The following GCNA variants were observed in gnomAD, a reference collection of about 807,000 sequenced individuals.
The protein encoded by GCNA is germ cell nuclear acidic peptidase.
A neutral mutation model predicts 38.8 loss-of-function variants in GCNA; 3 were observed. That is an observed-to-expected ratio of 0.08 (90% CI 0.04 to 0.20). GCNA has a LOEUF of 0.20. GCNA is among the 10% of genes least tolerant of loss of function. The pLI, the probability that GCNA is intolerant of heterozygous loss-of-function variation, is 1.00. For missense variants in GCNA, 446 were observed against 578.6 expected, an observed-to-expected ratio of 0.77 and a Z score of 2.35; for synonymous variants, 195 against 240.2, an observed-to-expected ratio of 0.81 and a Z score of 1.74.
chrX:71,612,841 T>G, intron 12 of GCNA, 21 bp from the exon 13 acceptor site: 1 of 1,207,046 alleles, frequency 8.3e-7, no homozygotes, highest in East Asian at 3.0e-5. Context: ...TTTTGTTGTG[T>G]GTTGTTCCAT....
rs1198141297 is a variant in GCNA at position 71,604,558 on chromosome X, G to A, written c.1281G>A (p.Arg427=). The A allele has an allele frequency of 2.5e-6, 3 of 1,193,181 alleles. No homozygotes were observed. Among genetic ancestry groups the A allele is most frequent in the East Asian group, 3.0e-5 (1 of 33,194 alleles). ...TKTIVEPPRK[R]QTKTKNIVEP... is the part of the protein sequence containing the mutation. ...CTATTGTGGAGCCACCGAGGAAAAG[G>A]CAGACAAAGACCAAAAATATAGTGG... The change falls in exon 8 of 13, where the codon AGG becomes AGA. Residue 427 remains arginine, a synonymous_variant. Coordinates refer to ENST00000373696, the MANE Select transcript of GCNA (RefSeq NM_052957.5).
chrX:71,599,588 G>A (rs989346442), intron 7 of GCNA, among the ~76,000 whole-genome samples: 5 of 112,149 alleles, frequency 4.5e-5, no homozygotes, highest in Admixed American at 9.5e-5. Flanking sequence ...GGCATCCATC[G>A]CAGCAATGGA....
In GCNA at chrX:71,604,544, C is replaced by T; in HGVS notation, c.1267C>T (p.Pro423Ser). 2.5e-6 allele frequency: 3 copies of T among 1,192,499 alleles called. No individual in the cohort carries two copies. The highest frequency in any genetic ancestry group is 3.4e-6 in the Non-Finnish European group (3 of 885,586). Residue 423 changes from proline (P) to serine (S), a missense_variant, in exon 8 of 13, where the codon CCA (proline) becomes TCA (serine). Pro to Ser is a moderately conservative substitution (Grantham distance 74). Coordinates refer to ENST00000373696, the MANE Select transcript of GCNA (RefSeq NM_052957.5). ...GTCAAAAACCAAAACTATTGTGGAG[C>T]CACCGAGGAAAAGGCAGACAAAGAC... ...RKSKTKTIVEPPRKRQTKTKN... is the reference protein window; with the variant it reads ...RKSKTKTIVESPRKRQTKTKN...
intron 6 of GCNA, among the ~76,000 whole-genome samples, chrX:71,595,938 G>A (rs756842854): frequency 8.9e-6 from 1 of 112,437 alleles, no homozygotes; most frequent in African/African-American, 3.2e-5. Context: ...GTTGCAGGCC[G>A]GGCACAGTGG....
At chrX:71,581,134 A>G in intron 2 of GCNA, among the ~76,000 whole-genome samples, 1 of 112,225 alleles carries the variant, frequency 8.9e-6, no homozygotes, top group Non-Finnish European at 1.9e-5. Flanking sequence ...ATCGTTGAAT[A>G]TATGTGGTTT....
At chrX:71,595,948 G>C (rs1358990793) in intron 6 of GCNA, among the ~76,000 whole-genome samples, 4 of 112,544 alleles carry the variant, frequency 3.6e-5, no homozygotes, top group Non-Finnish European at 7.5e-5. Context: ...GGGCACAGTG[G>C]CTCATGCCTG....
At chrX:71,604,776 T>A in intron 8 of GCNA, 100 bp downstream of exon 8, 1 of 1,097,146 alleles carries the variant, frequency 9.1e-7, no homozygotes, top group Non-Finnish European at 1.2e-6. Context: ...TTCAACCCTG[T>A]GCCATTTCAG....
chrX:71,603,935 G>A lies in GCNA; in HGVS notation c.658G>A (p.Asp220Asn), dbSNP rs764569317. Residue 220 changes from aspartate to asparagine, a missense_variant, in exon 8 of 13, where the codon GAT (aspartate) becomes AAT (asparagine). Transcript: ENST00000373696. ...TTCGGATGTTCCCGACGACAAGAGT[G>A]ATGATTCGGATGTTCCCGACGACAG... ...DDSDVPDDKSDDSDVPDDSSD... is the reference protein window; with the variant it reads ...DDSDVPDDKSNDSDVPDDSSD... The A allele has an allele frequency of 1.7e-6, 2 of 1,211,003 alleles. No homozygotes were observed. The highest frequency in any genetic ancestry group is 5.9e-5 in the East Asian group (2 of 33,814).
intron 2 of GCNA, among the ~76,000 whole-genome samples, chrX:71,583,821 C>G (rs1007049125): frequency 1.9e-5 from 2 of 106,235 alleles, no homozygotes; most frequent in Non-Finnish European, 3.9e-5. Flanking sequence ...CCTGAGCCTC[C>G]TGAGTAGCTG....
chrX:71,590,922 A>G (rs895463155), intron 2 of GCNA, among the ~76,000 whole-genome samples: 3 of 111,271 alleles, frequency 2.7e-5, no homozygotes, highest in African/African-American at 9.8e-5. Context: ...ACCTCAAGCA[A>G]TGCAACTGCC....
rs202033704 is a variant in GCNA, at chrX:71,610,775, G to A, written c.1706G>A (p.Arg569His). The change falls in exon 11 of 13, where the codon CGC becomes CAC. Residue 569 changes from arginine (R) to histidine (H), a missense_variant. Physicochemically the swap from Arg to His is conservative, Grantham distance 29. This residue lies in a region of GCNA where 60 missense variants were observed against 111.0 expected (regional missense o/e 0.54). Coordinates refer to ENST00000373696, the MANE Select transcript of GCNA (RefSeq NM_052957.5). ...TGEMWYPKWR[R>H]FAKIQIGLKV... is the part of the protein sequence containing the mutation. ...GAGATGTGGTACCCAAAGTGGCGGCGCTTTGCCAAGATCCAGATTGGCTTG... is the reference window on the plus strand; with the variant it reads ...GAGATGTGGTACCCAAAGTGGCGGCACTTTGCCAAGATCCAGATTGGCTTG... The A allele has an allele frequency of 2.5e-6, 3 of 1,211,272 alleles. No homozygotes were observed. Among genetic ancestry groups the A allele is most frequent in the East Asian group, 3.0e-5 (1 of 33,813 alleles).
chrX:71,606,013 G>A (rs1473808467), intron 9 of GCNA, among the ~76,000 whole-genome samples: 2 of 112,870 alleles, frequency 1.8e-5, no homozygotes, highest in African/African-American at 6.4e-5. Flanking sequence ...TGCACCCACA[G>A]CAGCTCTGGC....
intron 10 of GCNA, 92 bp from the exon 11 acceptor site, chrX:71,610,589 G>C (rs2040802324): frequency 9.2e-7 from 1 of 1,081,413 alleles, no homozygotes; most frequent in African/African-American, 1.8e-5. Context: ...CTCCAGCCTG[G>C]GCAACAAGAG....
At chrX:71,598,372 C>T (rs1303122864) in intron 7 of GCNA, among the ~76,000 whole-genome samples, 1 of 111,768 alleles carries the variant, frequency 8.9e-6, no homozygotes, top group Non-Finnish European at 1.9e-5. Flanking sequence ...CTGTGACTCC[C>T]TCTTCCTCTC....
Position 71,610,755 on chromosome X carries a change from G to A in GCNA, c.1686G>A (p.Met562Ile). 1 of 1,212,667 alleles carries A rather than the reference G, an allele frequency of 8.2e-7. No individual in the cohort carries two copies. Among genetic ancestry groups the A allele is most frequent in the South Asian group, 1.8e-5 (1 of 57,048 alleles). ...KTAGLCSTGE[M>I]WYPKWRRFAK... ...CTGGCTTATGCAGCACTGGTGAGATGTGGTACCCAAAGTGGCGGCGCTTTG... is the reference window on the plus strand; with the variant it reads ...CTGGCTTATGCAGCACTGGTGAGATATGGTACCCAAAGTGGCGGCGCTTTG... The change falls in exon 11 of 13, where the codon ATG (methionine) becomes ATA (isoleucine). Residue 562 changes from methionine to isoleucine, a missense_variant. Physicochemically the swap from Met to Ile is conservative, Grantham distance 10. Around this residue, in one of 7 missense-constraint regions of GCNA, gnomAD observed 60 missense variants for 111.0 expected, o/e 0.54. Coordinates refer to ENST00000373696, the MANE Select transcript of GCNA (RefSeq NM_052957.5).
Position 71,604,465 on chromosome X carries a change from G to A in GCNA, c.1188G>A (p.Lys396=), listed in dbSNP as rs1569441014. Residue 396 remains lysine (K), a synonymous_variant, in exon 8 of 13, where the codon AAG becomes AAA. Transcript: ENST00000373696. ...CTAACCCTGAAGTTTCAGAGAGAAAGCTGCCAACTGAGGAAGAGCCTGCAC... is the reference window on the plus strand; with the variant it reads ...CTAACCCTGAAGTTTCAGAGAGAAAACTGCCAACTGAGGAAGAGCCTGCAC... ...PEANPEVSER[K]LPTEEEPAPV... 6.6e-6 allele frequency: 8 copies of A among 1,206,059 alleles called. No individual in the cohort carries two copies. In the Admixed American group the frequency reaches 1.8e-4, roughly 27 times the overall value.
chrX:71,584,437 A>T (rs371573129), intron 2 of GCNA, among the ~76,000 whole-genome samples: 200 of 109,815 alleles, frequency 1.8e-3, no homozygotes, highest in African/African-American at 6.3e-3. Context: ...TATTGTAGAG[A>T]TGTGGTTTCG....
At position 71,579,302 on chromosome X, in the gene GCNA, G is replaced by C. The variant is rs186885968; in HGVS notation, c.-3+780G>C. On this transcript the variant is annotated intron_variant, in intron 1 of 12. Coordinates refer to ENST00000373696, the MANE Select transcript of GCNA (RefSeq NM_052957.5). ...TGGGGGTGCCAGTTGCGGCCTAGGAGTACTTGGTGGCGTTGGTGGCATAGG... is the reference window on the plus strand; with the variant it reads ...TGGGGGTGCCAGTTGCGGCCTAGGACTACTTGGTGGCGTTGGTGGCATAGG... Among the ~76,000 whole-genome samples the C allele has an allele frequency of 1.5e-4, 15 of 99,521 alleles. No homozygotes were observed. In the East Asian group the frequency reaches 4.9e-3, roughly 32 times the overall value. The allele number at this position is 99,521 out of a possible 115,157, so 86.4% of individuals were successfully genotyped here.
At chrX:71,592,870 T>A (rs1233307296) in intron 4 of GCNA, among the ~76,000 whole-genome samples, 1 of 112,032 alleles carries the variant, frequency 8.9e-6, no homozygotes, top group African/African-American at 3.2e-5. Flanking sequence ...TACTCCCTTT[T>A]AGTTTTATTT....
Sources: allele counts gnomAD v4.1 joint callset (sites outside exome capture counted in the v4.1 genomes callset), GRCh38; gene constraint gnomAD v4.1.1; regional missense constraint gnomAD v4.1.1; transcripts MANE v1.5; gene names NCBI Gene and HGNC (gene_info 2026-07-23, HGNC 2026-07-21).